Variants in ATRNL1 observed in about 807,000 individuals in gnomAD.
ATRNL1 encodes the protein attractin-like protein 1.
A neutral mutation model predicts 182.7 loss-of-function variants in ATRNL1; 95 were observed. The observed-to-expected ratio is 0.52, with a 90% CI of 0.44 to 0.62. The LOEUF (loss-of-function observed/expected upper bound fraction) is 0.62, where lower values mean the gene tolerates loss of function less well. Among genes scored for constraint, ATRNL1 ranks in the 20% least tolerant of loss-of-function variants. ATRNL1 has a pLI of 0.00. For missense variants in ATRNL1, 1,471 were observed against 1,679.5 expected, an observed-to-expected ratio of 0.88 and a Z score of 2.17; for synonymous variants, 576 against 568.3, an observed-to-expected ratio of 1.01 and a Z score of -0.19.
intron 27 of ATRNL1, among the ~76,000 whole-genome samples, chr10:115,808,536 A>G (rs1350549307): frequency 6.6e-6 from 1 of 152,136 alleles, no homozygotes; most frequent in African/African-American, 2.4e-5. Flanking sequence ...TCTCTTACGT[A>G]AAAGTCCAGG....
chr10:115,721,220 T>A (rs1289533273), intron 26 of ATRNL1, among the ~76,000 whole-genome samples: 5 of 152,158 alleles, frequency 3.3e-5, no homozygotes, highest in Admixed American at 2.6e-4. Flanking sequence ...GTTATCCAGG[T>A]GACAACAAGA....
chr10:115,164,155 G>A (rs116323425), intron 6 of ATRNL1, among the ~76,000 whole-genome samples: 1,786 of 152,040 alleles, frequency 0.012, 31 homozygotes, highest in African/African-American at 0.04. Flanking sequence ...TAAGCATTTG[G>A]GATTTATAAT....
intron 27 of ATRNL1, among the ~76,000 whole-genome samples, chr10:115,758,482 T>G (rs1363793941): frequency 6.6e-6 from 1 of 152,230 alleles, no homozygotes; most frequent in Non-Finnish European, 1.5e-5. Context: ...GATTGCTGCC[T>G]GTTCCTACCT....
At chr10:115,630,615 T>G (rs116806976) in intron 26 of ATRNL1, among the ~76,000 whole-genome samples, 1 of 150,940 alleles carries the variant, frequency 6.6e-6, no homozygotes, top group African/African-American at 2.4e-5. Context: ...ATTTGTCCAT[T>G]GATAGATGGA....
intron 27 of ATRNL1, among the ~76,000 whole-genome samples, chr10:115,826,353 G>A (rs752487050): frequency 6.6e-6 from 1 of 152,092 alleles, no homozygotes; most frequent in Non-Finnish European, 1.5e-5. Context: ...CTTGGCGGGA[G>A]GGAGTGGCAG....
At chr10:115,745,496 T>C (rs879950649) in intron 27 of ATRNL1, among the ~76,000 whole-genome samples, 8 of 152,134 alleles carry the variant, frequency 5.3e-5, no homozygotes, top group Admixed American at 3.3e-4. Context: ...AAGCTATCAG[T>C]AGGATTTCTG....
intron 22 of ATRNL1, among the ~76,000 whole-genome samples, chr10:115,464,366 C>T (rs889057673): frequency 6.6e-6 from 1 of 151,914 alleles, no homozygotes; most frequent in Non-Finnish European, 1.5e-5. Context: ...AACTCGCTAT[C>T]CATCACTTCT....
intron 19 of ATRNL1, among the ~76,000 whole-genome samples, chr10:115,364,748 A>G (rs1378656989): frequency 1.3e-5 from 2 of 151,870 alleles, no homozygotes; most frequent in Non-Finnish European, 2.9e-5. Context: ...GAATTTTGTC[A>G]AAGGCTTTTT....
intron 23 of ATRNL1, among the ~76,000 whole-genome samples, chr10:115,468,687 A>G (rs1254225064): frequency 2.7e-5 from 4 of 150,608 alleles, no homozygotes; most frequent in African/African-American, 9.7e-5. Context: ...AAATAAATTG[A>G]TTTTTTCCCA....
intron 8 of ATRNL1, among the ~76,000 whole-genome samples, chr10:115,208,254 C>T (rs1170862892): frequency 1.3e-5 from 2 of 151,944 alleles, no homozygotes; most frequent in Admixed American, 6.6e-5. Flanking sequence ...GAGTATATTT[C>T]CAATCATTTT....
intron 20 of ATRNL1, among the ~76,000 whole-genome samples, chr10:115,405,523 A>AAT (rs1554958001): frequency 6.6e-6 from 1 of 152,152 alleles, no homozygotes; most frequent in African/African-American, 2.4e-5. Context: ...TGCCGGTGCA[A>AAT]ATATGATATC....
chr10:115,579,869 T>C (rs922568934), intron 26 of ATRNL1, among the ~76,000 whole-genome samples: 3 of 151,946 alleles, frequency 2.0e-5, no homozygotes, highest in Non-Finnish European at 2.9e-5. Flanking sequence ...TTCCTTTTTC[T>C]TTTGTGTAAC....
chr10:115,587,737 G>A (rs1381066908), intron 26 of ATRNL1, among the ~76,000 whole-genome samples: 2 of 135,342 alleles, frequency 1.5e-5, no homozygotes, highest in Admixed American at 1.7e-4. Flanking sequence ...CTCTCACTGG[G>A]AGCTGTAGAC....
intron 18 of ATRNL1, among the ~76,000 whole-genome samples, chr10:115,321,911 G>A (rs908490011): frequency 6.6e-6 from 1 of 151,960 alleles, no homozygotes; most frequent in Admixed American, 6.6e-5. Flanking sequence ...AATGAATTCA[G>A]TAAAGTTACA....
chr10:115,310,617 C>T (rs1359574028), intron 17 of ATRNL1, among the ~76,000 whole-genome samples: 5 of 152,056 alleles, frequency 3.3e-5, no homozygotes, highest in African/African-American at 1.2e-4. Flanking sequence ...AGTTTGTATG[C>T]ATAGAAGGGT....
chr10:115,684,975 A>T (rs1946170553), intron 26 of ATRNL1, among the ~76,000 whole-genome samples: 1 of 151,750 alleles, frequency 6.6e-6, no homozygotes, highest in Non-Finnish European at 1.5e-5. Flanking sequence ...AATTTTCAAC[A>T]TATAAGAAGT....
At chr10:115,227,967 C>T (rs1849764423) in intron 9 of ATRNL1, among the ~76,000 whole-genome samples, 1 of 152,036 alleles carries the variant, frequency 6.6e-6, no homozygotes, top group African/African-American at 2.4e-5. Flanking sequence ...AGCAGCAAAG[C>T]TTCTGGAGTG....
chr10:115,132,235 C>G (rs1298923670), intron 5 of ATRNL1, among the ~76,000 whole-genome samples: 10 of 152,172 alleles, frequency 6.6e-5, no homozygotes, highest in African/African-American at 2.4e-4. Context: ...CCAGCGTCAT[C>G]CATGTCCCTA....
intron 22 of ATRNL1, among the ~76,000 whole-genome samples, chr10:115,462,561 G>T (rs1253921420): frequency 2.0e-5 from 3 of 152,040 alleles, no homozygotes; most frequent in African/African-American, 7.2e-5. Flanking sequence ...GCAGTGAGCC[G>T]AGATCACGCC....
Sources: gnomAD v4.1 joint callset for allele counts (sites outside exome capture counted in the v4.1 genomes callset) on GRCh38, gnomAD v4.1.1 for gene constraint, MANE v1.5 for transcripts, NCBI Gene and HGNC (gene_info 2026-07-23, HGNC 2026-07-21) for gene names.